The following ZFHX3 variants were observed in gnomAD, a reference collection of about 807,000 sequenced individuals.
The protein encoded by ZFHX3 is zinc finger homeobox protein 3.
In ZFHX3, 42 loss-of-function variants were observed where a neutral mutation model predicts 279.1. The observed-to-expected ratio is 0.15, with a 90% CI of 0.12 to 0.19. The LOEUF is 0.19. ZFHX3 is among the 10% of genes least tolerant of loss of function. The pLI is 1.00. For synonymous variants in ZFHX3, 2,293 were observed against 1,957.8 expected (o/e 1.17, Z -4.52); for missense variants, 4,981 against 4,754.0 (o/e 1.05, Z -1.40).
chr16:73,590,505 A>G (rs1024071213), intron 2 of ZFHX3, among the ~76,000 whole-genome samples: 20 of 152,224 alleles, frequency 1.3e-4, no homozygotes, highest in African/African-American at 4.3e-4. Flanking sequence ...CAGCAACAGT[A>G]ACAATAACTT....
intron 5 of ZFHX3, among the ~76,000 whole-genome samples, chr16:73,151,398 G>T (rs1966938046): frequency 6.6e-6 from 1 of 152,106 alleles, no homozygotes; most frequent in Non-Finnish European, 1.5e-5. Context: ...AAGGAATGTT[G>T]CATGTAGAGA....
At chr16:73,682,891 AAAG>A (rs778843731) in intron 1 of ZFHX3, among the ~76,000 whole-genome samples, 5 of 24,446 alleles carry the variant, frequency 2.0e-4, no homozygotes, top group African/African-American at 4.9e-4. Flanking sequence ...AGAAAGAAAG[AAAG>A]AAAGAAAGAA....
chr16:72,814,598 G>C (rs936089221), intron 5 of ZFHX3, among the ~76,000 whole-genome samples: 1 of 134,150 alleles, frequency 7.5e-6, no homozygotes, highest in South Asian at 2.6e-4. Context: ...CCTGCATGGA[G>C]AGGGGAACTT....
intron 1 of ZFHX3, among the ~76,000 whole-genome samples, chr16:73,697,791 T>C (rs548876009): frequency 1.3e-5 from 2 of 152,238 alleles, no homozygotes; most frequent in Non-Finnish European, 2.9e-5. Context: ...TCTAAATCAT[T>C]TATGAATCTA....
chr16:72,924,297 G>A (rs1319528121), intron 3 of ZFHX3, among the ~76,000 whole-genome samples: 2 of 152,174 alleles, frequency 1.3e-5, no homozygotes, highest in African/African-American at 4.8e-5. Flanking sequence ...CAGCTCTGGG[G>A]CAACACCGCA....
At chr16:72,825,558 G>A (rs1452187734) in intron 5 of ZFHX3, among the ~76,000 whole-genome samples, 1 of 152,178 alleles carries the variant, frequency 6.6e-6, no homozygotes, top group African/African-American at 2.4e-5. Flanking sequence ...CACAGAAAAT[G>A]ATGGCAAATT....
chr16:73,594,956 C>A (rs1425616380), intron 2 of ZFHX3, among the ~76,000 whole-genome samples: 1 of 152,084 alleles, frequency 6.6e-6, no homozygotes, highest in Admixed American at 6.6e-5. Context: ...TCAGGTATGG[C>A]CCCACAATTC....
At chr16:72,961,508 C>T (rs930177578) in intron 1 of ZFHX3, among the ~76,000 whole-genome samples, 18 of 152,186 alleles carry the variant, frequency 1.2e-4, no homozygotes, top group African/African-American at 4.3e-4. Context: ...CATTCCCCTG[C>T]TGCTCCTCCT....
intron 3 of ZFHX3, among the ~76,000 whole-genome samples, chr16:73,402,897 TA>T (rs67673404): frequency 0.11 from 15,480 of 141,854 alleles, 1,791 homozygotes; most frequent in African/African-American, 0.28. Context: ...ATATGGAAAA[TA>T]AAAAAAAAAA....
At chr16:73,597,168 C>A (rs2052059398) in intron 2 of ZFHX3, among the ~76,000 whole-genome samples, 1 of 152,226 alleles carries the variant, frequency 6.6e-6, no homozygotes, top group African/African-American at 2.4e-5. Flanking sequence ...AGTACGTTAT[C>A]TCTGTGCATC....
At chr16:72,961,203 G>A (rs1353017107) in intron 1 of ZFHX3, among the ~76,000 whole-genome samples, 3 of 152,246 alleles carry the variant, frequency 2.0e-5, no homozygotes, top group East Asian at 1.9e-4. Context: ...GCAGCAAGCC[G>A]AGACGGCAGC....
intron 1 of ZFHX3, among the ~76,000 whole-genome samples, chr16:73,797,721 C>T (rs576774050): frequency 2.0e-5 from 3 of 151,974 alleles, no homozygotes; most frequent in Admixed American, 2.0e-4. Flanking sequence ...CTCTGCATGA[C>T]CTTCAGTTTC....
intron 1 of ZFHX3, among the ~76,000 whole-genome samples, chr16:73,740,087 T>G (rs2053642086): frequency 6.6e-6 from 1 of 152,162 alleles, no homozygotes; most frequent in Non-Finnish European, 1.5e-5. Context: ...CCCGGTTCCT[T>G]GCAGCCTGGA....
intron 2 of ZFHX3, among the ~76,000 whole-genome samples, chr16:73,638,162 C>T (rs181744434): frequency 4.6e-5 from 7 of 151,964 alleles, no homozygotes; most frequent in Non-Finnish European, 8.8e-5. Context: ...GAATTTTATT[C>T]CATGGAAATA....
At chr16:73,437,143 G>C (rs1276699945) in intron 3 of ZFHX3, among the ~76,000 whole-genome samples, 1 of 151,550 alleles carries the variant, frequency 6.6e-6, no homozygotes. Context: ...TGGTGCAAAA[G>C]TAATTGAGGG....
At chr16:73,011,898 T>A (rs1963932821) in intron 1 of ZFHX3, among the ~76,000 whole-genome samples, 1 of 152,204 alleles carries the variant, frequency 6.6e-6, no homozygotes, top group Non-Finnish European at 1.5e-5. Context: ...GCACTAATTC[T>A]GGGGCACCAG....
intron 3 of ZFHX3, among the ~76,000 whole-genome samples, chr16:73,430,113 C>T (rs2017885857): frequency 6.6e-6 from 1 of 152,088 alleles, no homozygotes; most frequent in African/African-American, 2.4e-5. Context: ...TGGTCTCCAA[C>T]TCCTGGCCTC....
intron 5 of ZFHX3, among the ~76,000 whole-genome samples, chr16:73,244,822 C>A (rs2013230929): frequency 6.6e-6 from 1 of 152,190 alleles, no homozygotes; most frequent in Non-Finnish European, 1.5e-5. Flanking sequence ...GGCACCCTCA[C>A]AAAGACTGAT....
At chr16:73,043,026 C>A (rs935256899) in intron 1 of ZFHX3, among the ~76,000 whole-genome samples, 9 of 151,996 alleles carry the variant, frequency 5.9e-5, no homozygotes, top group Non-Finnish European at 8.8e-5. Context: ...GTGGCTTCAT[C>A]CCAAACCACC....
Sources: gnomAD v4.1 joint callset for allele counts (sites outside exome capture counted in the v4.1 genomes callset) on GRCh38, gnomAD v4.1.1 for gene constraint, MANE v1.5 for transcripts, NCBI Gene and HGNC (gene_info 2026-07-23, HGNC 2026-07-21) for gene names.